Variants in RBFOX1 observed in about 807,000 individuals in gnomAD.
The protein encoded by RBFOX1 is RNA binding protein fox-1 homolog 1.
RBFOX1 carries 8 observed loss-of-function variants against 57.7 expected under a neutral mutation model. That is an observed-to-expected ratio of 0.14 (90% CI 0.08 to 0.25). The LOEUF is 0.25. RBFOX1 is among the 10% of genes least tolerant of loss of function. RBFOX1 has a pLI of 1.00. For missense variants in RBFOX1, 611 were observed against 548.5 expected (o/e 1.11, Z -1.14); for synonymous variants, 326 against 222.4 (o/e 1.47, Z -4.15).
At chr16:6,989,929 A>T (rs1311613958) in intron 3 of RBFOX1, among the ~76,000 whole-genome samples, 1 of 152,144 alleles carries the variant, frequency 6.6e-6, no homozygotes, top group Admixed American at 6.5e-5. Flanking sequence ...TGAATTCAGG[A>T]GGCAGAAGTT....
intron 14 of RBFOX1, among the ~76,000 whole-genome samples, chr16:7,686,111 C>A (rs532503324): frequency 1.3e-5 from 2 of 151,950 alleles, no homozygotes; most frequent in East Asian, 1.9e-4. Flanking sequence ...TCTAAGAGAT[C>A]CTGACACTTA....
At chr16:6,656,901 A>ACTTCTCCTCTCCTCC (rs1568077752) in intron 3 of RBFOX1, among the ~76,000 whole-genome samples, 2 of 35,054 alleles carry the variant, frequency 5.7e-5, no homozygotes, top group African/African-American at 2.5e-4. Context: ...TCCTCCCCTC[A>ACTTCTCCTCTCCTCC]ACTCTCCTCT....
Position 6,084,400 on chromosome 16 carries a change from C to G in RBFOX1, c.-127+64408C>G, listed in dbSNP as rs79229687. ...CTGGGACCATAGCTATGAACAAACACGTCCAGCTATGTTTTGTATTTTTTG... is the reference window on the plus strand; with the variant it reads ...CTGGGACCATAGCTATGAACAAACAGGTCCAGCTATGTTTTGTATTTTTTG... On this transcript the variant is annotated intron_variant, in intron 1 of 15. Coordinates refer to ENST00000550418, the MANE Select transcript of RBFOX1 (RefSeq NM_018723.4). Among the ~76,000 whole-genome samples the G allele has an allele frequency of 6.7e-3, 1,012 of 152,126 alleles. 32 individuals carry two copies. The highest frequency in any genetic ancestry group is 0.042 in the Admixed American group (637 of 15,278).
Position 6,218,585 on chromosome 16 carries a change from C to T in RBFOX1, c.-126-98410C>T, listed in dbSNP as rs139609645. Among the ~76,000 whole-genome samples, 34 of 152,296 alleles carry T rather than the reference C, an allele frequency of 2.2e-4. No individual in the cohort carries two copies. In the East Asian group the frequency reaches 6.4e-3, roughly 29 times the overall value. ...TCGGCCTCCCAAAGTGCTGGGATTA[C>T]AGGCATGCACCACTGCGCCGGCCTT... On this transcript the variant is annotated intron_variant, in intron 1 of 15. Coordinates refer to ENST00000550418, the MANE Select transcript of RBFOX1 (RefSeq NM_018723.4).
At chr16:6,585,804 CTT>C (rs1457475265) in intron 2 of RBFOX1, among the ~76,000 whole-genome samples, 2 of 152,102 alleles carry the variant, frequency 1.3e-5, no homozygotes, top group Non-Finnish European at 2.9e-5. Context: ...TTTCTCTCCT[CTT>C]TGACAATTTG....
At chr16:6,734,944 G>A (rs368561650) in intron 3 of RBFOX1, among the ~76,000 whole-genome samples, 1 of 152,138 alleles carries the variant, frequency 6.6e-6, no homozygotes, top group South Asian at 2.1e-4. Flanking sequence ...GTTTAAGACT[G>A]GCATGGGCAA....
intron 1 of RBFOX1, among the ~76,000 whole-genome samples, chr16:6,039,839 C>T (rs2095417050): frequency 6.6e-6 from 1 of 152,242 alleles, no homozygotes; most frequent in Admixed American, 6.5e-5. Context: ...TTGGCTGGCG[C>T]TGTGTCACCT....
At chr16:6,846,847 A>T (rs1018824121) in intron 3 of RBFOX1, among the ~76,000 whole-genome samples, 7 of 152,008 alleles carry the variant, frequency 4.6e-5, no homozygotes, top group African/African-American at 1.7e-4. Context: ...CTTGGATGGC[A>T]TGCTCATAAG....
chr16:7,148,426 T>G (rs950766923), intron 4 of RBFOX1, among the ~76,000 whole-genome samples: 7 of 152,218 alleles, frequency 4.6e-5, no homozygotes, highest in African/African-American at 1.7e-4. Context: ...CATCTTAAGT[T>G]CCTTCTCTAT....
intron 3 of RBFOX1, among the ~76,000 whole-genome samples, chr16:6,809,195 C>G (rs1204320851): frequency 6.6e-6 from 1 of 152,170 alleles, no homozygotes; most frequent in Non-Finnish European, 1.5e-5. Flanking sequence ...TATGAATTTT[C>G]TTTCACCACC....
Position 6,863,670 on chromosome 16 carries a change from T to TAAA in RBFOX1, c.-15-188376_-15-188374dup, listed in dbSNP as rs71408411. ...CCAAGGTTCTGTTTTTTTTTTTCCT[T>TAAA]AAAAAAAAAAAAAGAAAAAAAGAAA... On this transcript the variant is annotated intron_variant, in intron 3 of 15. Coordinates refer to ENST00000550418, the MANE Select transcript of RBFOX1 (RefSeq NM_018723.4). Among the ~76,000 whole-genome samples the TAAA allele has an allele frequency of 3.3e-3, 348 of 105,550 alleles. 9 individuals are homozygous for TAAA. Among genetic ancestry groups the TAAA allele is most frequent in the African/African-American group, 9.1e-3 (238 of 26,236 alleles). The allele number at this position is 105,550 out of a possible 152,430, so 69.2% of individuals were successfully genotyped here.
intron 4 of RBFOX1, among the ~76,000 whole-genome samples, chr16:7,504,256 C>G (rs2072002004): frequency 6.6e-6 from 1 of 151,864 alleles, no homozygotes; most frequent in Non-Finnish European, 1.5e-5. Flanking sequence ...GATGGAAGTT[C>G]TATTTATAGA....
chr16:5,782,692 T>C (rs1274201606), intron 3 of RBFOX1, among the ~76,000 whole-genome samples: 2 of 152,188 alleles, frequency 1.3e-5, no homozygotes, highest in African/African-American at 4.8e-5. Context: ...GTTCCTGTTA[T>C]GAAGAATTGG....
At chr16:5,986,001 A>G (rs924938063) in intron 4 of RBFOX1, among the ~76,000 whole-genome samples, 2 of 151,934 alleles carry the variant, frequency 1.3e-5, no homozygotes, top group African/African-American at 2.4e-5. Flanking sequence ...TATAGAAACA[A>G]TAGCACTTTT....
chr16:6,629,834 T>C (rs1307351753), intron 2 of RBFOX1, among the ~76,000 whole-genome samples: 1 of 152,188 alleles, frequency 6.6e-6, no homozygotes, highest in East Asian at 1.9e-4. Context: ...TCAGACGTTT[T>C]ATTTTTTTAT....
chr16:7,029,217 TATACACACATATATATAC>T (rs2042102551), intron 3 of RBFOX1, among the ~76,000 whole-genome samples: 1 of 93,034 alleles, frequency 1.1e-5, no homozygotes, highest in Admixed American at 1.1e-4. Context: ...TACGTATATA[TATACACACATATATATAC>T]GTATACGTAT....
At chr16:6,951,758 G>C (rs755547333) in intron 3 of RBFOX1, among the ~76,000 whole-genome samples, 1 of 152,052 alleles carries the variant, frequency 6.6e-6, no homozygotes, top group Non-Finnish European at 1.5e-5. Flanking sequence ...TTTTGAGATG[G>C]AGTCTCGCTC....
chr16:7,126,420 C>T, intron 4 of RBFOX1: 1 of 231,324 alleles, frequency 4.3e-6, no homozygotes, highest in South Asian at 6.7e-5. Flanking sequence ...GCAGCTCACA[C>T]AGTAACGTGG....
intron 4 of RBFOX1, among the ~76,000 whole-genome samples, chr16:7,443,635 G>T (rs1276171108): frequency 6.6e-6 from 1 of 152,078 alleles, no homozygotes. Flanking sequence ...ATGTAAAAAA[G>T]TGCAGCGTAT....
Sources: gnomAD v4.1 joint callset for allele counts (sites outside exome capture counted in the v4.1 genomes callset) on GRCh38, gnomAD v4.1.1 for gene constraint, MANE v1.5 for transcripts, NCBI Gene and HGNC (gene_info 2026-07-23, HGNC 2026-07-21) for gene names.